The following PXDNL variants were observed in gnomAD, a reference collection of about 807,000 sequenced individuals.
The protein encoded by PXDNL is probable oxidoreductase PXDNL.
PXDNL carries 145 observed loss-of-function variants against 150.8 expected under a neutral mutation model. The ratio of observed to expected loss-of-function variants is 0.96; its 90% CI spans 0.84 to 1.10. The LOEUF (loss-of-function observed/expected upper bound fraction) is 1.10. Ranked by LOEUF, PXDNL falls within the 50% of genes least tolerant of loss-of-function variation. The pLI, the probability that PXDNL is intolerant of heterozygous loss-of-function variation, is 0.00. For missense variants in PXDNL, 2,087 were observed against 1,873.9 expected (o/e 1.11, Z -2.10); for synonymous variants, 757 against 725.7 (o/e 1.04, Z -0.69).
intron 1 of PXDNL, among the ~76,000 whole-genome samples, chr8:51,782,790 G>A (rs1284511550): frequency 6.6e-6 from 1 of 152,150 alleles, no homozygotes; most frequent in African/African-American, 2.4e-5. Flanking sequence ...ATCTTCTGGG[G>A]TTAACATAAC....
intron 4 of PXDNL, among the ~76,000 whole-genome samples, chr8:51,501,785 A>C (rs1055171127): frequency 1.3e-5 from 2 of 152,244 alleles, no homozygotes; most frequent in African/African-American, 4.8e-5. Context: ...TAGCACATTA[A>C]AAAGGAGGTA....
chr8:51,333,925 A>T (rs1471262046), intron 21 of PXDNL, among the ~76,000 whole-genome samples: 4 of 152,186 alleles, frequency 2.6e-5, no homozygotes, highest in African/African-American at 9.7e-5. Flanking sequence ...ACAGAAAATC[A>T]ACAAGGAAAT....
chr8:51,472,447 G>A (rs2130100953), intron 7 of PXDNL, 143 bp from the exon 8 acceptor site: 2 of 590,210 alleles, frequency 3.4e-6, no homozygotes, highest in Non-Finnish European at 5.9e-6. Context: ...GGTAATACAT[G>A]TACCAGGTTA....
intron 17 of PXDNL, among the ~76,000 whole-genome samples, chr8:51,396,494 T>C (rs973660160): frequency 3.3e-5 from 5 of 152,226 alleles, no homozygotes; most frequent in African/African-American, 9.6e-5. Flanking sequence ...CAGTGGCTCA[T>C]GCCTGTAATC....
chr8:51,552,716 T>C (rs927255594), intron 4 of PXDNL, among the ~76,000 whole-genome samples: 1 of 152,126 alleles, frequency 6.6e-6, no homozygotes, highest in African/African-American at 2.4e-5. Context: ...AGACTACACA[T>C]TGGGTGCAGT....
intron 2 of PXDNL, among the ~76,000 whole-genome samples, chr8:51,598,371 A>C (rs1429897118): frequency 1.3e-5 from 2 of 152,152 alleles, no homozygotes; most frequent in Non-Finnish European, 2.9e-5. Context: ...CTGTGGGCTT[A>C]TCATAGATGG....
At chr8:51,390,066 CA>C (rs1043074786) in intron 17 of PXDNL, among the ~76,000 whole-genome samples, 1 of 150,682 alleles carries the variant, frequency 6.6e-6, no homozygotes, top group Non-Finnish European at 1.5e-5. Flanking sequence ...CCCCCCCCAC[CA>C]AAAAAAAATT....
chr8:51,772,620 C>T (rs112110848), intron 1 of PXDNL, among the ~76,000 whole-genome samples: 170 of 152,184 alleles, frequency 1.1e-3, no homozygotes, highest in African/African-American at 3.7e-3. Context: ...ATCCTAAGTT[C>T]GGGACTGATC....
intron 1 of PXDNL, among the ~76,000 whole-genome samples, chr8:51,702,095 T>C (rs187552309): frequency 3.3e-5 from 5 of 152,210 alleles, no homozygotes; most frequent in African/African-American, 4.8e-5. Flanking sequence ...AAACAACTTA[T>C]TCTGGTTTTT....
At chr8:51,637,011 A>G (rs1406053144) in intron 2 of PXDNL, among the ~76,000 whole-genome samples, 1 of 152,186 alleles carries the variant, frequency 6.6e-6, no homozygotes. Flanking sequence ...AGGAACGATC[A>G]GGTAGCAACA....
At chr8:51,733,737 G>A (rs993302119) in intron 1 of PXDNL, among the ~76,000 whole-genome samples, 11 of 151,284 alleles carry the variant, frequency 7.3e-5, no homozygotes, top group African/African-American at 2.2e-4. Context: ...GAACCCAGGA[G>A]GTGGAGGTTA....
At chr8:51,483,136 G>T (rs1206846186) in intron 6 of PXDNL, among the ~76,000 whole-genome samples, 2 of 152,222 alleles carry the variant, frequency 1.3e-5, no homozygotes, top group Non-Finnish European at 2.9e-5. Context: ...GTGGAAAAAA[G>T]TGATGGACAT....
At chr8:51,466,825 C>T (rs6997774) in intron 8 of PXDNL, among the ~76,000 whole-genome samples, 1 of 152,128 alleles carries the variant, frequency 6.6e-6, no homozygotes, top group Non-Finnish European at 1.5e-5. Context: ...CAGATAAATG[C>T]AAATCAAAAC....
chr8:51,502,306 A>G (rs1374606304), intron 4 of PXDNL, among the ~76,000 whole-genome samples: 1 of 152,160 alleles, frequency 6.6e-6, no homozygotes, highest in Admixed American at 6.5e-5. Context: ...CCCAGAGATG[A>G]GCTATGGAAA....
At chr8:51,411,455 TC>T (rs745566342) in intron 15 of PXDNL, 48 bp from the exon 16 acceptor site, 1 of 1,490,808 alleles carries the variant, frequency 6.7e-7, no homozygotes, top group African/African-American at 1.5e-5. Context: ...AACAGCAGAG[TC>T]CATGAAGCTT....
At chr8:51,543,427 T>C (rs1563457799) in intron 4 of PXDNL, among the ~76,000 whole-genome samples, 2 of 151,686 alleles carry the variant, frequency 1.3e-5, no homozygotes, top group African/African-American at 4.8e-5. Context: ...AAAGAAGAGG[T>C]AATAAATATA....
chr8:51,462,876 A>T (rs1266645917), intron 8 of PXDNL, among the ~76,000 whole-genome samples: 1 of 152,084 alleles, frequency 6.6e-6, no homozygotes, highest in Non-Finnish European at 1.5e-5. Context: ...TGAAAAAAAA[A>T]CCTAAAAGGG....
chr8:51,743,189 AG>A (rs2036925403), intron 1 of PXDNL, among the ~76,000 whole-genome samples: 1 of 151,488 alleles, frequency 6.6e-6, no homozygotes, highest in African/African-American at 2.5e-5. Flanking sequence ...GGAATGAAGG[AG>A]GTAACTTCCA....
At chr8:51,735,607 C>T (rs1250135739) in intron 1 of PXDNL, among the ~76,000 whole-genome samples, 4 of 119,618 alleles carry the variant, frequency 3.3e-5, no homozygotes, top group South Asian at 2.8e-4. Context: ...AGTGCAGTGG[C>T]GGGATCTCGG....
Sources: gnomAD v4.1 joint callset for allele counts (sites outside exome capture counted in the v4.1 genomes callset) on GRCh38, gnomAD v4.1.1 for gene constraint, MANE v1.5 for transcripts, NCBI Gene and HGNC (gene_info 2026-07-23, HGNC 2026-07-21) for gene names.